LONP1: variants seen among roughly 807,000 people sequenced by gnomAD.
LONP1 encodes the protein lon protease homolog, mitochondrial.
LONP1 carries 31 observed loss-of-function variants against 98.5 expected under a neutral mutation model. The observed-to-expected ratio is 0.31, with a 90% CI of 0.24 to 0.42. The LOEUF (loss-of-function observed/expected upper bound fraction) is 0.42, where lower values mean the gene tolerates loss of function less well. Ranked by LOEUF, LONP1 falls within the 20% of genes least tolerant of loss-of-function variation. The pLI is 1.00. For synonymous variants in LONP1, 781 were observed against 594.7 expected, an observed-to-expected ratio of 1.31 and a Z score of -4.56; for missense variants, 1,336 against 1,350.6, an observed-to-expected ratio of 0.99 and a Z score of 0.17.
chr19:5,696,056 C>G lies in LONP1; in HGVS notation c.2011G>C (p.Glu671Gln). The change falls in exon 13 of 18, where the codon GAG becomes CAG. Residue 671 changes from glutamate to glutamine, a missense_variant and splice_region_variant. By Grantham distance (29) the Glu-to-Gln change is conservative (BLOSUM62 2). Around this residue, in one of 5 missense-constraint regions of LONP1, gnomAD observed 555 missense variants for 542.6 expected, o/e 1.02. Transcript: ENST00000360614. ...YVAQEKLAIA[E>Q]RYLVPQARAL... ...CAGTGGGGAGGGGCTGGGCTTACCT[C>G]CGCAATGGCCAGCTTCTCCTGGGCC... 2.5e-6 allele frequency: 4 copies of G among 1,611,910 alleles called. No individual in the cohort carries two copies. The highest frequency in any genetic ancestry group is 3.4e-6 in the Non-Finnish European group (4 of 1,179,632).
chr19:5,692,580 C>G (rs1453418690), intron 17 of LONP1, among the ~76,000 whole-genome samples: 1 of 152,116 alleles, frequency 6.6e-6, no homozygotes, highest in African/African-American at 2.4e-5. Context: ...TGCATCTCTG[C>G]CCCCAGGCCC....
chr19:5,705,681 C>A (rs1242863691), intron 8 of LONP1, 91 bp downstream of exon 8: 2 of 1,156,956 alleles, frequency 1.7e-6, no homozygotes, highest in African/African-American at 3.0e-5. Flanking sequence ...GAAGGTGCCA[C>A]GGGGCTCCCC....
chr19:5,696,399 C>T (rs1467031661), intron 11 of LONP1, 28 bp from the exon 12 acceptor site: 1 of 1,607,528 alleles, frequency 6.2e-7, no homozygotes. Context: ...AGGTGGTGCC[C>T]CTCGCCGTGC....
intron 4 of LONP1, among the ~76,000 whole-genome samples, chr19:5,710,719 C>T (rs754504582): frequency 3.3e-5 from 5 of 152,240 alleles, no homozygotes; most frequent in Non-Finnish European, 5.9e-5. Flanking sequence ...AGCAGCTCTA[C>T]TTCAAGTGCT....
In LONP1 at chr19:5,711,968, C is replaced by G; in HGVS notation, c.673G>C (p.Glu225Gln). ...HISRQLEVEP[E>Q]EPEAENKHKP... is the part of the protein sequence containing the mutation. Reference sequence around the variant, plus strand: ...TGCTTGTTCTCCGCCTCCGGCTCCTCGGGCTCCACCTCCAGCTGTCTGCTG... The same window carrying G: ...TGCTTGTTCTCCGCCTCCGGCTCCTGGGGCTCCACCTCCAGCTGTCTGCTG... Residue 225 changes from glutamate (E) to glutamine (Q), a missense_variant, in exon 4 of 18, where the codon GAG (glutamate) becomes CAG (glutamine). Glu to Gln is a conservative substitution (Grantham distance 29). Transcript: ENST00000360614. The G allele has an allele frequency of 1.2e-6, 2 of 1,613,162 alleles. No individual in the cohort carries two copies. The highest frequency in any genetic ancestry group is 1.7e-6 in the Non-Finnish European group (2 of 1,179,946).
chr19:5,701,849 C>T (rs1160858008), intron 8 of LONP1, among the ~76,000 whole-genome samples: 2 of 151,480 alleles, frequency 1.3e-5, no homozygotes, highest in South Asian at 4.2e-4. Context: ...AGGTGAGGAG[C>T]GTCTCTGCCC....
intron 1 of LONP1, among the ~76,000 whole-genome samples, chr19:5,716,432 G>C (rs1048054445): frequency 3.3e-5 from 5 of 150,888 alleles, no homozygotes; most frequent in African/African-American, 1.2e-4. Flanking sequence ...TCAAACAAAA[G>C]AGCATCACAT....
intron 7 of LONP1, 76 bp from the exon 8 acceptor site, chr19:5,706,068 G>T (rs910352904): frequency 1.1e-6 from 1 of 919,660 alleles, no homozygotes; most frequent in Admixed American, 1.8e-5. Flanking sequence ...GACGAAGGGG[G>T]ACCCTCTGCT....
Position 5,720,145 on chromosome 19 carries a change from C to T in LONP1, c.-13G>A. On this transcript the variant is annotated 5_prime_UTR_variant, in exon 1 of 18. Transcript: ENST00000360614. ...TGCTCGCCGCCATAGCCCGGCCATA[C>T]TGGCGGCTCACACAACTCGCGTCAT... The T allele has an allele frequency of 1.4e-6, 2 of 1,398,236 alleles. No homozygotes were observed. The highest frequency in any genetic ancestry group is 1.8e-6 in the Non-Finnish European group (2 of 1,084,136). 86.6% of individuals were successfully genotyped at this position (1,398,236 alleles called of 1,614,324 possible).
chr19:5,708,779 C>T (rs1446536158), intron 4 of LONP1: 7 of 172,734 alleles, frequency 4.1e-5, no homozygotes, highest in Admixed American at 1.2e-4. Context: ...TTTGGGAGGC[C>T]GAGGCGGGTG....
At position 5,700,789 on chromosome 19, in the gene LONP1, C is replaced by T; in HGVS notation, c.1506G>A (p.Leu502=). 6.2e-7 allele frequency: 1 copy of T among 1,614,130 alleles called. No individual in the cohort carries two copies. Among genetic ancestry groups the T allele is most frequent in the Non-Finnish European group, 8.5e-7 (1 of 1,180,008 alleles). Residue 502 remains leucine (L), a splice_region_variant and synonymous_variant, in exon 9 of 18, where the codon CTG becomes CTA. Transcript: ENST00000360614. ...YGMEDVKKRI[L]EFIAVSQLRG... is the part of the protein sequence containing the mutation. ...ACAACAGGCCAGACACTGGGCTCAC[C>T]AGGATGCGTTTCTTGACGTCCTCCA...
intron 17 of LONP1, 59 bp from the exon 18 acceptor site, chr19:5,692,267 A>C (rs748826447): frequency 1.3e-6 from 2 of 1,508,348 alleles, no homozygotes; most frequent in Admixed American, 2.0e-5. Flanking sequence ...CAGGTGTGCT[A>C]ACCTCCAGGA....
rs117374057 is a variant in LONP1, at chr19:5,699,261, G to A, written c.1507-56C>T. ...TGAGCTGGGGAAGCCGGGGACCCGCGCATGACTCTCGCCACCTGCACACTG... is the reference window on the plus strand; with the variant it reads ...TGAGCTGGGGAAGCCGGGGACCCGCACATGACTCTCGCCACCTGCACACTG... On this transcript the variant is annotated intron_variant, in intron 9 of 17. Coordinates refer to ENST00000360614, the MANE Select transcript of LONP1 (RefSeq NM_004793.4). The A allele has an allele frequency of 5.3e-4, 742 of 1,405,966 alleles. 3 individuals are homozygous for A. The East Asian group carries it at 0.014, about 26-fold the overall frequency. 87.1% of individuals were successfully genotyped at this position (1,405,966 alleles called of 1,614,324 possible).
At chr19:5,700,461 A>G (rs1462484045) in intron 9 of LONP1, among the ~76,000 whole-genome samples, 2 of 151,826 alleles carry the variant, frequency 1.3e-5, no homozygotes, top group African/African-American at 4.8e-5. Flanking sequence ...CTGTCACCCA[A>G]CCTGATGTGC....
Position 5,720,006 on chromosome 19 carries a change from G to C in LONP1, c.127C>G (p.Gln43Glu). ...TAAGAWLLRG[Q>E]RTCDASPPWA... ...GGAGGAGAGGCGTCGCAGGTCCGCTGGCCTCGGAGCAACCACGCTCCTGCT... is the reference window on the plus strand; with the variant it reads ...GGAGGAGAGGCGTCGCAGGTCCGCTCGCCTCGGAGCAACCACGCTCCTGCT... The change falls in exon 1 of 18, where the codon CAG becomes GAG. Residue 43 changes from glutamine (Q) to glutamate (E), a missense_variant. Around this residue, in one of 5 missense-constraint regions of LONP1, gnomAD observed 457 missense variants for 403.1 expected, o/e 1.13. Coordinates refer to ENST00000360614, the MANE Select transcript of LONP1 (RefSeq NM_004793.4). 1 of 1,575,476 alleles carries C rather than the reference G, an allele frequency of 6.3e-7. No individual in the cohort carries two copies. The highest frequency in any genetic ancestry group is 2.4e-5 in the East Asian group (1 of 42,390).
intron 4 of LONP1, among the ~76,000 whole-genome samples, chr19:5,710,490 G>C (rs1031954080): frequency 6.6e-6 from 1 of 151,920 alleles, no homozygotes; most frequent in African/African-American, 2.4e-5. Context: ...CAATCTCCTG[G>C]GCTCAAGCGA....
chr19:5,707,905 C>T, intron 5 of LONP1, 79 bp from the exon 6 acceptor site: 2 of 1,517,438 alleles, frequency 1.3e-6, no homozygotes, highest in Non-Finnish European at 1.8e-6. Context: ...GGGACCCGGT[C>T]CTCAGGGTCC....
intron 8 of LONP1, among the ~76,000 whole-genome samples, chr19:5,705,252 T>G (rs2055125218): frequency 6.7e-6 from 1 of 150,338 alleles, no homozygotes; most frequent in Admixed American, 6.6e-5. Flanking sequence ...AGGTCAGGAG[T>G]TCGAGACCAG....
rs569998336 is a variant in LONP1, at chr19:5,695,696, TCTGGGTGGGAGCCACAGGCCCCA to T, written c.2013+335_2013+357del. On this transcript the variant is annotated intron_variant, in intron 13 of 17. Transcript: ENST00000360614. ...AAACCACTTCTCCTCCAAGCCTCAT[TCTGGGTGGGAGCCACAGGCCCCA>T]CTGCTTCCGGCTGCCAGAAACCTTC... Among the ~76,000 whole-genome samples the T allele has an allele frequency of 2.5e-3, 384 of 152,192 alleles. 7 individuals are homozygous for T. The East Asian group carries it at 0.027, about 11-fold the overall frequency.
Sources: allele counts gnomAD v4.1 joint callset (sites outside exome capture counted in the v4.1 genomes callset), GRCh38; gene constraint gnomAD v4.1.1; regional missense constraint gnomAD v4.1.1; transcripts MANE v1.5; gene names NCBI Gene and HGNC (gene_info 2026-07-23, HGNC 2026-07-21).